The following ADAMTS3 variants were observed in gnomAD, a reference collection of about 807,000 sequenced individuals.
The protein encoded by ADAMTS3 is A disintegrin and metalloproteinase with thrombospondin motifs 3.
A neutral mutation model predicts 129.0 loss-of-function variants in ADAMTS3; 73 were observed. The ratio of observed to expected loss-of-function variants is 0.57; its 90% CI spans 0.47 to 0.69. The LOEUF (loss-of-function observed/expected upper bound fraction) is 0.69, where lower values mean the gene tolerates loss of function less well. ADAMTS3 is among the 30% of genes least tolerant of loss of function. ADAMTS3 has a pLI of 0.00. For missense variants in ADAMTS3, 1,457 were observed against 1,514.5 expected (o/e 0.96, Z 0.63); for synonymous variants, 477 against 510.8 (o/e 0.93, Z 0.89).
chr4:72,312,215 A>C, intron 13 of ADAMTS3, 76 bp downstream of exon 13: 1 of 1,528,550 alleles, frequency 6.5e-7, no homozygotes, highest in Non-Finnish European at 9.0e-7. Flanking sequence ...TCAAGAGTCC[A>C]TGGGGTTCGT....
intron 3 of ADAMTS3, 56 bp downstream of exon 3, chr4:72,548,422 C>T (rs1721520654): frequency 6.4e-7 from 1 of 1,559,800 alleles, no homozygotes; most frequent in South Asian, 1.2e-5. Context: ...TATGCAGAAG[C>T]CATGGCTGCA....
At chr4:72,539,132 C>T (rs1721253688) in intron 3 of ADAMTS3, among the ~76,000 whole-genome samples, 1 of 151,722 alleles carries the variant, frequency 6.6e-6, no homozygotes. Context: ...ACATCAAAGG[C>T]ACAGGAAACA....
chr4:72,456,068 T>C lies in ADAMTS3; in HGVS notation c.505-41097A>G, dbSNP rs1253154625. Among the ~76,000 whole-genome samples, 2 of 49,894 alleles carry C rather than the reference T, an allele frequency of 4.0e-5. 1 individual carries two copies. Among genetic ancestry groups the C allele is most frequent in the African/African-American group, 1.4e-4 (2 of 13,940 alleles). 32.7% of individuals were successfully genotyped at this position (49,894 alleles called of 152,430 possible). ...ATATACTATATATATATTTTACATATAGTATATATACTATATATATTTTAT... is the reference window on the plus strand; with the variant it reads ...ATATACTATATATATATTTTACATACAGTATATATACTATATATATTTTAT... On this transcript the variant is annotated intron_variant, in intron 3 of 21. Coordinates refer to ENST00000286657, the MANE Select transcript of ADAMTS3 (RefSeq NM_014243.3).
intron 3 of ADAMTS3, 67 bp downstream of exon 3, chr4:72,548,411 C>T: frequency 1.3e-6 from 2 of 1,501,148 alleles, no homozygotes; most frequent in Non-Finnish European, 1.8e-6. Context: ...ACCTTCCAAA[C>T]TATGCAGAAG....
chr4:72,382,067 C>A (rs1721304000), intron 4 of ADAMTS3, among the ~76,000 whole-genome samples: 1 of 152,114 alleles, frequency 6.6e-6, no homozygotes, highest in Middle Eastern at 3.2e-3. Context: ...ATGAAATCAA[C>A]AACAGAAACT....
At chr4:72,537,164 C>T (rs1721202549) in intron 3 of ADAMTS3, among the ~76,000 whole-genome samples, 1 of 152,200 alleles carries the variant, frequency 6.6e-6, no homozygotes, top group Non-Finnish European at 1.5e-5. Context: ...CAACCCTCAG[C>T]CCTGTGGCAG....
At chr4:72,379,710 G>A (rs889608814) in intron 4 of ADAMTS3, among the ~76,000 whole-genome samples, 2 of 152,056 alleles carry the variant, frequency 1.3e-5, no homozygotes, top group Admixed American at 1.3e-4. Flanking sequence ...TGGCAAATCT[G>A]TAGTATCATA....
chr4:72,552,852 T>C (rs1486572147), intron 2 of ADAMTS3, among the ~76,000 whole-genome samples: 4 of 152,186 alleles, frequency 2.6e-5, no homozygotes, highest in Non-Finnish European at 5.9e-5. Context: ...CCCTTCTGTG[T>C]CTTACCTTTC....
intron 3 of ADAMTS3, among the ~76,000 whole-genome samples, chr4:72,472,634 G>T (rs546318047): frequency 4.1e-4 from 62 of 152,148 alleles, no homozygotes; most frequent in African/African-American, 1.4e-3. Flanking sequence ...CTGTTCAAGA[G>T]AAATATTCCT....
chr4:72,362,606 T>C (rs1362034375), intron 4 of ADAMTS3, among the ~76,000 whole-genome samples: 1 of 152,156 alleles, frequency 6.6e-6, no homozygotes, highest in African/African-American at 2.4e-5. Context: ...TTAGGAATAA[T>C]TAATTTCTGA....
At chr4:72,434,241 A>T (rs1464535757) in intron 3 of ADAMTS3, among the ~76,000 whole-genome samples, 1 of 151,832 alleles carries the variant, frequency 6.6e-6, no homozygotes, top group African/African-American at 2.4e-5. Flanking sequence ...TGCAATAGCA[A>T]TGCCAATTTA....
In ADAMTS3 at chr4:72,291,032, G is replaced by T; in HGVS notation, c.2754C>A (p.Thr918=). 1 of 1,613,970 alleles carries T rather than the reference G, an allele frequency of 6.2e-7. No individual in the cohort carries two copies. Among genetic ancestry groups the T allele is most frequent in the South Asian group, 1.1e-5 (1 of 91,060 alleles). The part of the protein sequence containing the change: ...LWVAEEWEHC[T]KTCGSSGYQL... Reference sequence around the variant, plus strand: ...GATAGCCAGAACTTCCACAGGTTTTGGTGCAGTGTTCCCATTCTTCTGCTA... The same window carrying T: ...GATAGCCAGAACTTCCACAGGTTTTTGTGCAGTGTTCCCATTCTTCTGCTA... Residue 918 remains threonine (T), a synonymous_variant, in exon 20 of 22, where the codon ACC becomes ACA. Transcript: ENST00000286657.
In ADAMTS3 at chr4:72,320,589, T is replaced by C. The variant is rs1421636419; in HGVS notation, c.1102+125A>G. ...CTGTAAGCAAAAGAAAGAAAATGTA[T>C]GCTTGGCCGGTGTGTGGTGGAAAGC... On this transcript the variant is annotated intron_variant, in intron 7 of 21. Coordinates refer to ENST00000286657, the MANE Select transcript of ADAMTS3 (RefSeq NM_014243.3). 3.0e-6 allele frequency: 3 copies of C among 987,890 alleles called. No individual in the cohort carries two copies. In the South Asian group the frequency reaches 5.3e-5, roughly 18 times the overall value. 61.2% of individuals were successfully genotyped at this position (987,890 alleles called of 1,614,324 possible).
At chr4:72,490,662 C>T (rs151302058) in intron 3 of ADAMTS3, among the ~76,000 whole-genome samples, 49 of 151,916 alleles carry the variant, frequency 3.2e-4, no homozygotes, top group East Asian at 1.3e-3. Context: ...ACTGAGTATG[C>T]GTGAGTTTAT....
At chr4:72,551,570 A>G (rs1353145024) in intron 2 of ADAMTS3, among the ~76,000 whole-genome samples, 1 of 152,176 alleles carries the variant, frequency 6.6e-6, no homozygotes, top group East Asian at 1.9e-4. Flanking sequence ...CCTTTGGATT[A>G]CCATCTCCTG....
chr4:72,460,082 A>G (rs943295749), intron 3 of ADAMTS3, among the ~76,000 whole-genome samples: 1 of 151,498 alleles, frequency 6.6e-6, no homozygotes, highest in Non-Finnish European at 1.5e-5. Context: ...CCTGCACTAC[A>G]TATTTAGAAA....
chr4:72,286,067 TA>T (rs1342039422), intron 21 of ADAMTS3, among the ~76,000 whole-genome samples: 1 of 152,216 alleles, frequency 6.6e-6, no homozygotes, highest in African/African-American at 2.4e-5. Context: ...ACAGAACAAC[TA>T]AAAGGGATAT....
At chr4:72,423,844 A>G (rs1249625437) in intron 3 of ADAMTS3, among the ~76,000 whole-genome samples, 1 of 152,072 alleles carries the variant, frequency 6.6e-6, no homozygotes, top group African/African-American at 2.4e-5. Flanking sequence ...AAGAAACTCA[A>G]CTATTGAGAT....
chr4:72,431,414 T>G (rs1352799397), intron 3 of ADAMTS3, among the ~76,000 whole-genome samples: 1 of 151,938 alleles, frequency 6.6e-6, no homozygotes, highest in Admixed American at 6.6e-5. Flanking sequence ...ATCCAAAATT[T>G]GAACTGCTCT....
Sources: allele counts gnomAD v4.1 joint callset (sites outside exome capture counted in the v4.1 genomes callset), GRCh38; gene constraint gnomAD v4.1.1; transcripts MANE v1.5; gene names NCBI Gene and HGNC (gene_info 2026-07-23, HGNC 2026-07-21).